ATP6V1C2: variants seen among roughly 807,000 people sequenced by gnomAD.
ATP6V1C2 encodes the protein V-type proton ATPase subunit C 2.
A neutral mutation model predicts 56.8 loss-of-function variants in ATP6V1C2; 45 were observed. The ratio of observed to expected loss-of-function variants is 0.79; its 90% CI spans 0.62 to 1.02. The LOEUF is 1.02. ATP6V1C2 is among the 50% of genes least tolerant of loss of function. ATP6V1C2 has a pLI of 0.00. For synonymous variants in ATP6V1C2, 220 were observed against 201.3 expected, an observed-to-expected ratio of 1.09 and a Z score of -0.79; for missense variants, 463 against 519.7, an observed-to-expected ratio of 0.89 and a Z score of 1.06.
intron 4 of ATP6V1C2, among the ~76,000 whole-genome samples, chr2:10,762,622 C>A (rs1663980828): frequency 6.6e-6 from 1 of 152,080 alleles, no homozygotes; most frequent in Non-Finnish European, 1.5e-5. Flanking sequence ...CCATTTCATT[C>A]CCATCTGCTT....
At chr2:10,771,453 G>A (rs1366828181) in intron 6 of ATP6V1C2, among the ~76,000 whole-genome samples, 3 of 152,242 alleles carry the variant, frequency 2.0e-5, no homozygotes, top group Non-Finnish European at 2.9e-5. Flanking sequence ...AGAGCTGGCC[G>A]TTGTGTTGAC....
intron 3 of ATP6V1C2, 99 bp downstream of exon 3, chr2:10,726,668 C>A: frequency 1.8e-6 from 2 of 1,132,636 alleles, no homozygotes; most frequent in Non-Finnish European, 2.7e-6. Flanking sequence ...ATGGACTTGT[C>A]TAGACCTGGT....
intron 4 of ATP6V1C2, among the ~76,000 whole-genome samples, chr2:10,764,076 T>C (rs1373589281): frequency 2.6e-5 from 4 of 152,206 alleles, no homozygotes; most frequent in African/African-American, 9.7e-5. Context: ...ATTTTGCTAA[T>C]GTGTAAAATG....
intron 2 of ATP6V1C2, among the ~76,000 whole-genome samples, chr2:10,724,257 G>A (rs762939639): frequency 1.7e-4 from 26 of 152,020 alleles, no homozygotes; most frequent in Non-Finnish European, 2.5e-4. Flanking sequence ...TTGCCCCTCC[G>A]CCCAAACAGC....
chr2:10,730,607 GTTTT>G (rs60355432), intron 3 of ATP6V1C2, among the ~76,000 whole-genome samples: 7 of 118,666 alleles, frequency 5.9e-5, no homozygotes, highest in African/African-American at 1.9e-4. Context: ...TTCACAGTGG[GTTTT>G]TTTTTTTTTT....
In ATP6V1C2 at chr2:10,783,409, AT is replaced by A. The variant is rs904175287; in HGVS notation, c.*153del. 3 of 531,828 alleles carry A rather than the reference AT, an allele frequency of 5.6e-6. No homozygotes were observed. Among genetic ancestry groups the A allele is most frequent in the East Asian group, 6.4e-5 (2 of 31,232 alleles). The allele number at this position is 531,828 out of a possible 1,614,324, so 32.9% of individuals were successfully genotyped here. A position where few individuals can be genotyped will look rare whatever the true frequency, so the allele number is the denominator to read the frequency against. Reference sequence around the variant, plus strand: ...ACAAAAGTTAGTGACAGTTGTATTTATTTTTTTAAGTTACAATAAAATGCTC... The same window carrying A: ...ACAAAAGTTAGTGACAGTTGTATTTATTTTTTAAGTTACAATAAAATGCTC... On this transcript the variant is annotated 3_prime_UTR_variant, in exon 14 of 14. Transcript: ENST00000272238.
chr2:10,782,939 C>G (rs1665475512), intron 13 of ATP6V1C2, among the ~76,000 whole-genome samples: 1 of 151,178 alleles, frequency 6.6e-6, no homozygotes. Context: ...CTGAGTCCAG[C>G]CTGGGTGACA....
intron 2 of ATP6V1C2, among the ~76,000 whole-genome samples, chr2:10,724,090 G>T (rs1661508944): frequency 6.6e-6 from 1 of 152,028 alleles, no homozygotes; most frequent in Non-Finnish European, 1.5e-5. Context: ...AAAAAGAGTG[G>T]ACTTACCGTG....
At chr2:10,740,919 T>A (rs1351727908) in intron 3 of ATP6V1C2, among the ~76,000 whole-genome samples, 2 of 152,206 alleles carry the variant, frequency 1.3e-5, no homozygotes, top group East Asian at 3.8e-4. Flanking sequence ...ACTCCCGACC[T>A]CAGGTGATCC....
rs774234240 is a variant in ATP6V1C2 at position 10,783,322 on chromosome 2, CT to C, written c.*62del. 9.3e-6 allele frequency: 11 copies of C among 1,184,778 alleles called. No individual in the cohort carries two copies. The highest frequency in any genetic ancestry group is 1.4e-5 in the Non-Finnish European group (11 of 798,060). The allele number at this position is 1,184,778 out of a possible 1,614,324, so 73.4% of individuals were successfully genotyped here. ...GCAGATTATTACAGACACCTCTTTCCTTTAGCCAGAGAATGGTTCAAATGTC... is the reference window on the plus strand; with the variant it reads ...GCAGATTATTACAGACACCTCTTTCCTTAGCCAGAGAATGGTTCAAATGTC... On this transcript the variant is annotated 3_prime_UTR_variant, in exon 14 of 14. Transcript: ENST00000272238.
chr2:10,749,130 C>CAAAAA (rs56095492), intron 3 of ATP6V1C2, among the ~76,000 whole-genome samples: 1 of 94,776 alleles, frequency 1.1e-5, no homozygotes, highest in East Asian at 2.9e-4. Context: ...AACTCCGTCT[C>CAAAAA]AAAAAAAAAA....
intron 3 of ATP6V1C2, among the ~76,000 whole-genome samples, chr2:10,735,574 A>G (rs1662202543): frequency 6.6e-6 from 1 of 150,922 alleles, no homozygotes; most frequent in Non-Finnish European, 1.5e-5. Context: ...CATGTGAACA[A>G]ATCTCCTGGT....
chr2:10,735,912 C>T (rs1262122817), intron 3 of ATP6V1C2, among the ~76,000 whole-genome samples: 2 of 152,212 alleles, frequency 1.3e-5, no homozygotes, highest in South Asian at 4.1e-4. Flanking sequence ...TGACAAAATG[C>T]AGATTCTGAC....
At position 10,777,633 on chromosome 2, in the gene ATP6V1C2, C is replaced by T. The variant is rs931709728; in HGVS notation, c.874C>T (p.His292Tyr). 1 of 1,614,110 alleles carries T rather than the reference C, an allele frequency of 6.2e-7. No individual in the cohort carries two copies. Among genetic ancestry groups the T allele is most frequent in the Non-Finnish European group, 8.5e-7 (1 of 1,180,014 alleles). ...AAAGGGATCATCCACCTTCCCGGAC[C>T]ACAAGGTTAAGGTAACCCCGCTAGG... The part of the protein sequence containing the change: ...LKKGSSTFPD[H>Y]KVKVTPLGNP... The change falls in exon 11 of 14, where the codon CAC becomes TAC. Residue 292 changes from histidine to tyrosine, a missense_variant. Coordinates refer to ENST00000272238, the MANE Select transcript of ATP6V1C2 (RefSeq NM_001039362.2).
chr2:10,750,380 G>A (rs1663139758), intron 3 of ATP6V1C2, among the ~76,000 whole-genome samples: 1 of 152,080 alleles, frequency 6.6e-6, no homozygotes, highest in Non-Finnish European at 1.5e-5. Context: ...AGCAGGGCAT[G>A]GTGACGGGTG....
chr2:10,781,681 A>C (rs2148519901), intron 12 of ATP6V1C2, among the ~76,000 whole-genome samples: 1 of 152,294 alleles, frequency 6.6e-6, no homozygotes, highest in East Asian at 1.9e-4. Context: ...TCAGAGTATA[A>C]AAATACATCA....
chr2:10,747,009 C>G (rs1662951755), intron 3 of ATP6V1C2, among the ~76,000 whole-genome samples: 1 of 152,232 alleles, frequency 6.6e-6, no homozygotes, highest in Non-Finnish European at 1.5e-5. Context: ...TGGCTTGCGC[C>G]TGCAATCCCA....
At chr2:10,746,791 T>C (rs1226927311) in intron 3 of ATP6V1C2, among the ~76,000 whole-genome samples, 1 of 152,218 alleles carries the variant, frequency 6.6e-6, no homozygotes, top group African/African-American at 2.4e-5. Context: ...TCATGGAAAT[T>C]GCAGGTCTCC....
rs1228850521 is a variant in ATP6V1C2 at position 10,763,583 on chromosome 2, C to A, written c.284-748C>A. 6.6e-6 allele frequency among the ~76,000 whole-genome samples: 1 copy of A among 152,176 alleles called. No homozygotes were observed. Among genetic ancestry groups the A allele is most frequent in the Non-Finnish European group, 1.5e-5 (1 of 68,028 alleles). On this transcript the variant is annotated intron_variant, in intron 4 of 13. Transcript: ENST00000272238. The surrounding 1 kb of genome is among the most constrained non-coding windows in gnomAD (Gnocchi z 4.2). ...GCTGGGACATCCGCCATGGGAAGGG[C>A]CCTCTGCCAGGGGCACAGGAATTCC...
Sources: gnomAD v4.1 joint callset for allele counts (sites outside exome capture counted in the v4.1 genomes callset) on GRCh38, gnomAD v4.1.1 for gene constraint, Gnocchi (gnomAD v3.1) non-coding constraint, MANE v1.5 for transcripts, NCBI Gene and HGNC (gene_info 2026-07-23, HGNC 2026-07-21) for gene names.